The following CAMKMT variants were observed in gnomAD, a reference collection of about 807,000 sequenced individuals.
CAMKMT encodes the protein calmodulin-lysine N-methyltransferase.
A neutral mutation model predicts 48.0 loss-of-function variants in CAMKMT; 53 were observed. The observed-to-expected ratio is 1.10, with a 90% CI of 0.89 to 1.39. CAMKMT has a LOEUF of 1.39. CAMKMT is among the 40% of genes most tolerant of loss of function. The pLI, the probability that CAMKMT is intolerant of heterozygous loss-of-function variation, is 0.00. For missense variants in CAMKMT, 428 were observed against 402.7 expected (o/e 1.06, Z -0.54); for synonymous variants, 165 against 152.3 (o/e 1.08, Z -0.61).
At chr2:44,748,871 A>G (rs1029226874) in intron 8 of CAMKMT, among the ~76,000 whole-genome samples, 8 of 152,168 alleles carry the variant, frequency 5.3e-5, no homozygotes, top group Non-Finnish European at 1.2e-4. Context: ...TAAAATAGAG[A>G]GTCCTGAAGA....
intron 3 of CAMKMT, among the ~76,000 whole-genome samples, chr2:44,647,037 G>A (rs569402442): frequency 2.0e-5 from 3 of 151,996 alleles, no homozygotes; most frequent in East Asian, 1.9e-4. Context: ...GGTGGCTCAC[G>A]CCTGTAATTC....
At chr2:44,544,268 G>A (rs1253272572) in intron 3 of CAMKMT, among the ~76,000 whole-genome samples, 3 of 152,090 alleles carry the variant, frequency 2.0e-5, no homozygotes, top group Non-Finnish European at 4.4e-5. Context: ...AATGCCAAGG[G>A]TTATTTATTT....
intron 3 of CAMKMT, among the ~76,000 whole-genome samples, chr2:44,702,357 C>T (rs933004946): frequency 2.6e-5 from 4 of 152,174 alleles, no homozygotes; most frequent in South Asian, 4.1e-4. Context: ...TTTGGATTCA[C>T]ATATTCTCTC....
At chr2:44,400,792 G>A (rs1217481132) in intron 3 of CAMKMT, 6 of 151,256 alleles carry the variant, frequency 4.0e-5, no homozygotes, top group South Asian at 2.1e-4. Flanking sequence ...TCGAGAAAGC[G>A]TATTTTTGAA....
intron 3 of CAMKMT, among the ~76,000 whole-genome samples, chr2:44,501,882 T>A (rs1572660763): frequency 6.6e-6 from 1 of 151,584 alleles, no homozygotes; most frequent in South Asian, 2.1e-4. Context: ...GCGGGGTGGG[T>A]TGGAGGCGAA....
chr2:44,612,808 A>G (rs1227020972), intron 3 of CAMKMT, among the ~76,000 whole-genome samples: 2 of 152,210 alleles, frequency 1.3e-5, no homozygotes, highest in African/African-American at 2.4e-5. Flanking sequence ...GATAACTAGT[A>G]AGACTATTTT....
intron 3 of CAMKMT, among the ~76,000 whole-genome samples, chr2:44,637,185 A>T (rs1035449163): frequency 6.6e-6 from 1 of 152,206 alleles, no homozygotes; most frequent in Admixed American, 6.5e-5. Flanking sequence ...TTCAGTTCAA[A>T]TTATTTTAGA....
chr2:44,556,288 G>A (rs1158860645), intron 3 of CAMKMT, among the ~76,000 whole-genome samples: 1 of 151,770 alleles, frequency 6.6e-6, no homozygotes, highest in Non-Finnish European at 1.5e-5. Flanking sequence ...ACAGGTGGCT[G>A]CCACCACACC....
intron 3 of CAMKMT, among the ~76,000 whole-genome samples, chr2:44,476,594 A>G (rs1313959313): frequency 6.6e-6 from 1 of 152,074 alleles, no homozygotes; most frequent in East Asian, 1.9e-4. Context: ...CTGTGTAAAA[A>G]AAAACTTTAT....
chr2:44,620,630 A>G (rs970236613), intron 3 of CAMKMT, among the ~76,000 whole-genome samples: 43 of 152,258 alleles, frequency 2.8e-4, no homozygotes, highest in African/African-American at 1.0e-3. Flanking sequence ...TTCATCAGGC[A>G]TCATAGATGA....
In CAMKMT at chr2:44,733,438, A is replaced by G. The variant is rs139622219; in HGVS notation, c.624-10184A>G. On this transcript the variant is annotated intron_variant, in intron 7 of 10. Coordinates refer to ENST00000378494, the MANE Select transcript of CAMKMT (RefSeq NM_024766.5). ...ATTAGTTCTAGAAGCTTATTTTTGT[A>G]TATCTCTTTATACAGAAAGGGACTG... 1.1e-3 allele frequency among the ~76,000 whole-genome samples: 170 copies of G among 152,280 alleles called. 1 individual carries two copies. Among genetic ancestry groups the G allele is most frequent in the African/African-American group, 3.8e-3 (159 of 41,558 alleles).
At chr2:44,577,309 G>A (rs1046740272) in intron 3 of CAMKMT, among the ~76,000 whole-genome samples, 4 of 152,172 alleles carry the variant, frequency 2.6e-5, no homozygotes, top group African/African-American at 9.7e-5. Flanking sequence ...TCAGAAAGGG[G>A]TAGCTGACCT....
intron 3 of CAMKMT, among the ~76,000 whole-genome samples, chr2:44,628,432 G>A (rs1036508582): frequency 6.6e-6 from 1 of 151,440 alleles, no homozygotes; most frequent in African/African-American, 2.4e-5. Flanking sequence ...CTAATTACTT[G>A]GGGTTTAATA....
At chr2:44,540,299 TC>T (rs1203613768) in intron 3 of CAMKMT, among the ~76,000 whole-genome samples, 1 of 152,124 alleles carries the variant, frequency 6.6e-6, no homozygotes, top group Non-Finnish European at 1.5e-5. Flanking sequence ...TTCAAGCTGG[TC>T]CCTTTGTCCT....
intron 3 of CAMKMT, among the ~76,000 whole-genome samples, chr2:44,539,984 C>T (rs977682475): frequency 6.6e-6 from 1 of 152,020 alleles, no homozygotes; most frequent in Non-Finnish European, 1.5e-5. Flanking sequence ...TACTTTGAAA[C>T]TATTGAAACA....
chr2:44,579,815 G>A (rs753552725), intron 3 of CAMKMT, among the ~76,000 whole-genome samples: 17 of 152,182 alleles, frequency 1.1e-4, no homozygotes, highest in Non-Finnish European at 1.8e-4. Context: ...ATTTATGGAC[G>A]TGACAATTAA....
At chr2:44,756,999 C>G (rs1254743274) in intron 9 of CAMKMT, among the ~76,000 whole-genome samples, 2 of 152,182 alleles carry the variant, frequency 1.3e-5, no homozygotes, top group Non-Finnish European at 2.9e-5. Context: ...ACTACCTTGT[C>G]TCTCTGAGCC....
intron 7 of CAMKMT, among the ~76,000 whole-genome samples, chr2:44,742,675 T>C (rs114241378): frequency 6.5e-4 from 99 of 152,332 alleles, no homozygotes; most frequent in African/African-American, 2.3e-3. Flanking sequence ...TATTAATGTA[T>C]TGTATATGAA....
intron 2 of CAMKMT, among the ~76,000 whole-genome samples, chr2:44,385,814 G>T (rs1191359246): frequency 2.6e-5 from 4 of 152,080 alleles, no homozygotes; most frequent in African/African-American, 4.8e-5. Context: ...CTGCATCCCT[G>T]ATATGAAACC....
Sources: allele counts gnomAD v4.1 joint callset (sites outside exome capture counted in the v4.1 genomes callset), GRCh38; gene constraint gnomAD v4.1.1; transcripts MANE v1.5; gene names NCBI Gene and HGNC (gene_info 2026-07-23, HGNC 2026-07-21).